PSMC1: variants seen among roughly 807,000 people sequenced by gnomAD.
PSMC1 encodes 26S proteasome regulatory subunit 4.
Under a neutral mutation model 49.8 loss-of-function variants are expected in PSMC1, and 5 were observed. That is an observed-to-expected ratio of 0.10 (90% confidence interval 0.05 to 0.21). PSMC1 has a LOEUF of 0.21. Ranked by LOEUF, PSMC1 falls within the 10% of genes least tolerant of loss-of-function variation. The pLI is 1.00. For synonymous variants in PSMC1, 155 were observed against 192.1 expected, an observed-to-expected ratio of 0.81 and a Z score of 1.60; for missense variants, 181 against 535.7, an observed-to-expected ratio of 0.34 and a Z score of 6.54.
At chr14:90,258,511 C>T (rs1237896254) in intron 1 of PSMC1, among the ~76,000 whole-genome samples, 2 of 152,154 alleles carry the variant, frequency 1.3e-5, no homozygotes, top group African/African-American at 2.4e-5. Flanking sequence ...AAGCATTGTC[C>T]TATAACTGTA....
chr14:90,272,753 G>A lies in PSMC1; in HGVS notation c.*346G>A, dbSNP rs1369229835. ...CCAAGGAGTGTGGACCTCACTATGC[G>A]TTCGCCACATCACACCCCCAGAGCT... is the stretch of plus-strand genomic sequence containing the variant. On this transcript the variant is annotated 3_prime_UTR_variant, in exon 11 of 11. Transcript: ENST00000261303. The surrounding 1 kb of genome is among the most constrained non-coding windows in gnomAD (Gnocchi z 4.5). The A allele has an allele frequency of 2.9e-5, 5 of 172,622 alleles. No homozygotes were observed. Among genetic ancestry groups the A allele is most frequent in the Admixed American group, 6.2e-5 (1 of 16,026 alleles). The allele number at this position is 172,622 out of a possible 1,614,324, so 10.7% of individuals were successfully genotyped here.
chr14:90,264,207 TG>T, intron 6 of PSMC1, 38 bp downstream of exon 6: 1 of 1,608,630 alleles, frequency 6.2e-7, no homozygotes, highest in South Asian at 1.1e-5. Context: ...GTTTCAGTTT[TG>T]GTTTCTGTTG....
At position 90,259,188 on chromosome 14, in the gene PSMC1, C is replaced by T; in HGVS notation, c.32C>T (p.Pro11Leu). The T allele has an allele frequency of 6.2e-7, 1 of 1,613,756 alleles. No homozygotes were observed. Among genetic ancestry groups the T allele is most frequent in the Non-Finnish European group, 8.5e-7 (1 of 1,179,800 alleles). Residue 11 changes from proline to leucine, a missense_variant, in exon 2 of 11, where the codon CCT (proline) becomes CTT (leucine). This residue lies in a region of PSMC1 where 121 missense variants were observed against 358.6 expected (regional missense o/e 0.34). Transcript: ENST00000261303. Reference protein sequence around the residue: MGQSQSGGHGPGGGKKDDKDK... With the variant: MGQSQSGGHGLGGGKKDDKDK... Reference sequence around the variant, plus strand: ...CAAAGTCAGAGTGGTGGTCATGGTCCTGGAGGTGGCAAGAAGGATGACAAG... The same window carrying T: ...CAAAGTCAGAGTGGTGGTCATGGTCTTGGAGGTGGCAAGAAGGATGACAAG...
At chr14:90,270,973 G>C (rs564489633) in intron 10 of PSMC1, 1 of 152,308 alleles carries the variant, frequency 6.6e-6, no homozygotes, top group Admixed American at 6.5e-5. Flanking sequence ...TGAGCCCACG[G>C]ATCATTGGCA....
chr14:90,271,759 T>C (rs898542731), intron 10 of PSMC1: 3 of 152,780 alleles, frequency 2.0e-5, no homozygotes, highest in African/African-American at 7.2e-5. Flanking sequence ...TTAGTTACAG[T>C]AACTCCCAGT....
intron 3 of PSMC1, 79 bp downstream of exon 3, chr14:90,260,290 AG>A (rs1410401192): frequency 2.0e-6 from 2 of 1,018,410 alleles, no homozygotes; most frequent in African/African-American, 3.2e-5. Flanking sequence ...AGAGTCTGAA[AG>A]GGGTAACAGG....
chr14:90,269,345 T>C (rs1891600663), intron 8 of PSMC1, 52 bp from the exon 9 acceptor site: 1 of 1,511,912 alleles, frequency 6.6e-7, no homozygotes, highest in Non-Finnish European at 9.0e-7. Flanking sequence ...TAATTCCCCT[T>C]GAGCAGGCGA....
chr14:90,269,318 C>A, intron 8 of PSMC1, 79 bp from the exon 9 acceptor site: 1 of 1,276,860 alleles, frequency 7.8e-7, no homozygotes, highest in Non-Finnish European at 1.1e-6. Context: ...TGTTTTGTCA[C>A]AATGAGGTCT....
intron 1 of PSMC1, among the ~76,000 whole-genome samples, chr14:90,258,145 A>G (rs932767935): frequency 6.6e-6 from 1 of 152,172 alleles, no homozygotes; most frequent in Non-Finnish European, 1.5e-5. Flanking sequence ...CATCTCTGAC[A>G]AGCTTTGTGA....
intron 8 of PSMC1, 46 bp downstream of exon 8, chr14:90,268,459 G>A (rs199508719): frequency 5.7e-6 from 9 of 1,567,046 alleles, no homozygotes; most frequent in East Asian, 2.2e-5. Flanking sequence ...AGGGAACACC[G>A]CATAGCTCTT....
intron 7 of PSMC1, 101 bp downstream of exon 7, chr14:90,265,267 T>C: frequency 2.5e-6 from 2 of 791,028 alleles, no homozygotes; most frequent in Admixed American, 2.5e-5. Context: ...GACACCACAA[T>C]TCCTTAGTTT....
In PSMC1 at chr14:90,272,212, A is replaced by G. The variant is rs1891687879; in HGVS notation, c.1189-61A>G. 6.3e-7 allele frequency: 1 copy of G among 1,581,212 alleles called. No individual in the cohort carries two copies. Among genetic ancestry groups the G allele is most frequent in the Non-Finnish European group, 8.6e-7 (1 of 1,167,788 alleles). The stretch of plus-strand genomic sequence containing the variant: ...CCTGGCCTCAGAATAGGTTTTTTGG[A>G]ATTCCTTGTTAGAATAAAAATGAGT... On this transcript the variant is annotated intron_variant, in intron 10 of 10. Transcript: ENST00000261303. This position sits in a 1 kb window ranked among gnomAD's most constrained non-coding sequence, Gnocchi z 4.5.
rs1447919705 is a variant in PSMC1, at chr14:90,274,987, C to A, written c.*2580C>A. On this transcript the variant is annotated 3_prime_UTR_variant, in exon 11 of 11. Coordinates refer to ENST00000261303, the MANE Select transcript of PSMC1 (RefSeq NM_002802.3). ...ACCGTCTTCACCAAGTGGTCAAATG[C>A]ACATCATCAGTAATGGGCACTTTGA... 2.0e-5 allele frequency: 3 copies of A among 152,234 alleles called. No homozygotes were observed. Among genetic ancestry groups the A allele is most frequent in the Admixed American group, 2.0e-4 (3 of 15,264 alleles). 9.4% of individuals were successfully genotyped at this position (152,234 alleles called of 1,614,324 possible).
At chr14:90,269,676 C>CA (rs1306811845) in intron 9 of PSMC1, 128 bp downstream of exon 9, 219 of 1,063,048 alleles carry the variant, frequency 2.1e-4, no homozygotes, top group Middle Eastern at 1.8e-3. Context: ...GGATAATTTA[C>CA]AAAAAAATAG....
At chr14:90,268,453 A>T (rs779517549) in intron 8 of PSMC1, 40 bp downstream of exon 8, 1 of 1,585,458 alleles carries the variant, frequency 6.3e-7, no homozygotes. Context: ...TTTAGTAGGG[A>T]ACACCGCATA....
chr14:90,263,223 C>T, intron 3 of PSMC1, 95 bp from the exon 4 acceptor site: 2 of 1,334,620 alleles, frequency 1.5e-6, no homozygotes, highest in South Asian at 1.4e-5. Flanking sequence ...AAGCTATCGC[C>T]AACAAAAATG....
In PSMC1 at chr14:90,256,594, C is replaced by G. The variant is rs549740735; in HGVS notation, c.-4C>G. ...GCAGCGGCAGCTCAAGTGGCCAAGG[C>G]AAGATGGTGAGTGACTAAGGGTTTC... On this transcript the variant is annotated 5_prime_UTR_variant, in exon 1 of 11. Transcript: ENST00000261303. 2.5e-6 allele frequency: 4 copies of G among 1,589,430 alleles called. No homozygotes were observed. In the African/African-American group the frequency reaches 4.0e-5, roughly 16 times the overall value.
intron 3 of PSMC1, among the ~76,000 whole-genome samples, chr14:90,261,094 C>T (rs1207111033): frequency 1.3e-5 from 2 of 152,140 alleles, no homozygotes; most frequent in Non-Finnish European, 2.9e-5. Flanking sequence ...TGACCCAGCC[C>T]ACCTCTCCGA....
At position 90,268,392 on chromosome 14, in the gene PSMC1, T is replaced by C; in HGVS notation, c.860T>C (p.Ile287Thr). Residue 287 changes from isoleucine (I) to threonine (T), a missense_variant, in exon 8 of 11, where the codon ATT becomes ACT. Around this residue, in one of 3 missense-constraint regions of PSMC1, gnomAD observed 121 missense variants for 358.6 expected, o/e 0.34. Transcript: ENST00000261303. ...HAPSIVFIDE[I>T]DAIGTKRYDS... ...CCGTCCATCGTGTTTATTGATGAAA[T>C]TGACGCCATTGGGACAAAAAGGTAG... The C allele has an allele frequency of 4.3e-6, 7 of 1,613,668 alleles. No individual in the cohort carries two copies. The highest frequency in any genetic ancestry group is 5.9e-6 in the Non-Finnish European group (7 of 1,179,862).
Sources: gnomAD v4.1 joint callset for allele counts (sites outside exome capture counted in the v4.1 genomes callset) on GRCh38, gnomAD v4.1.1 for gene constraint, gnomAD v4.1.1 regional missense constraint, Gnocchi (gnomAD v3.1) non-coding constraint, MANE v1.5 for transcripts, NCBI Gene and HGNC (gene_info 2026-07-23, HGNC 2026-07-21) for gene names.